Variants in PCDH11X observed in about 807,000 individuals in gnomAD.
PCDH11X encodes the protein protocadherin-11 X-linked.
A neutral mutation model predicts 53.3 loss-of-function variants in PCDH11X; 18 were observed. The observed-to-expected ratio is 0.34, with a 90% confidence interval of 0.23 to 0.50. PCDH11X has a LOEUF of 0.50. PCDH11X is among the 20% of genes least tolerant of loss of function. The pLI is 0.98. For missense variants in PCDH11X, 570 were observed against 1,032.4 expected (o/e 0.55, Z 6.14); for synonymous variants, 279 against 393.3 (o/e 0.71, Z 3.44).
intron 8 of PCDH11X, among the ~76,000 whole-genome samples, chrX:92,267,375 G>A (rs773380389): frequency 9.8e-5 from 11 of 111,830 alleles, no homozygotes; most frequent in Non-Finnish European, 1.9e-4. Flanking sequence ...ATCTGCCTGA[G>A]GTAAATTAAA....
At chrX:92,412,548 T>TAG (rs1297323903) in intron 9 of PCDH11X, among the ~76,000 whole-genome samples, 30 of 89,365 alleles carry the variant, frequency 3.4e-4, no homozygotes, top group Non-Finnish European at 5.0e-4. Context: ...TATATATATA[T>TAG]ATATATAGAT....
intron 6 of PCDH11X, among the ~76,000 whole-genome samples, chrX:92,033,821 T>C (rs1415825261): frequency 9.0e-6 from 1 of 110,728 alleles, no homozygotes; most frequent in Admixed American, 9.7e-5. Context: ...TCCAGTTTTT[T>C]AAGATGCATA....
intron 6 of PCDH11X, among the ~76,000 whole-genome samples, chrX:91,886,746 A>G (rs1454671098): frequency 9.1e-6 from 1 of 109,338 alleles, no homozygotes; most frequent in Non-Finnish European, 1.9e-5. Flanking sequence ...CCAAGGCGGG[A>G]GGATCACAAG....
chrX:91,787,281 G>A (rs1359061474), intron 1 of PCDH11X, among the ~76,000 whole-genome samples: 1 of 110,134 alleles, frequency 9.1e-6, no homozygotes, highest in Non-Finnish European at 1.9e-5. Context: ...TTTTTAGGTA[G>A]TGTTTTTTTT....
intron 10 of PCDH11X, among the ~76,000 whole-genome samples, chrX:92,601,866 G>A (rs1284194211): frequency 9.0e-6 from 1 of 111,017 alleles, no homozygotes; most frequent in Non-Finnish European, 1.9e-5. Flanking sequence ...CTAGGGTTAA[G>A]GTATCTTCCA....
intron 5 of PCDH11X, among the ~76,000 whole-genome samples, chrX:91,847,393 T>A (rs1238021965): frequency 1.8e-5 from 2 of 111,523 alleles, no homozygotes; most frequent in South Asian, 3.8e-4. Flanking sequence ...CTATTTGCCC[T>A]GTATAATATT....
intron 10 of PCDH11X, among the ~76,000 whole-genome samples, chrX:92,498,274 G>T (rs2148692102): frequency 9.1e-6 from 1 of 110,223 alleles, no homozygotes; most frequent in Non-Finnish European, 1.9e-5. Flanking sequence ...AGTAACATTA[G>T]TCCAGCAACA....
At chrX:92,481,315 C>A (rs775109773) in intron 10 of PCDH11X, among the ~76,000 whole-genome samples, 1 of 105,505 alleles carries the variant, frequency 9.5e-6, no homozygotes, top group African/African-American at 3.5e-5. Context: ...ACACACACAC[C>A]CCACACACAC....
chrX:92,150,828 C>T (rs1055354090), intron 6 of PCDH11X, among the ~76,000 whole-genome samples: 13 of 109,686 alleles, frequency 1.2e-4, no homozygotes, highest in Admixed American at 9.6e-4. Flanking sequence ...TTAAATTTCA[C>T]GTTCCAATTA....
chrX:91,924,521 A>G (rs1354770127), intron 6 of PCDH11X, among the ~76,000 whole-genome samples: 3 of 112,081 alleles, frequency 2.7e-5, no homozygotes, highest in Non-Finnish European at 5.6e-5. Context: ...CAACGGTGAT[A>G]GGAAAGTAAT....
At chrX:92,590,213 G>A (rs1442611446) in intron 10 of PCDH11X, among the ~76,000 whole-genome samples, 1 of 109,923 alleles carries the variant, frequency 9.1e-6, no homozygotes, top group Non-Finnish European at 1.9e-5. Context: ...CCTAACTGAC[G>A]AGCTTTGGAT....
intron 9 of PCDH11X, among the ~76,000 whole-genome samples, chrX:92,450,039 G>A (rs1198956486): frequency 8.1e-5 from 9 of 110,830 alleles, no homozygotes; most frequent in Non-Finnish European, 1.5e-4. Flanking sequence ...TTCATGAAAT[G>A]GTAAAGATAA....
chrX:92,493,987 T>G (rs1297432233), intron 10 of PCDH11X, among the ~76,000 whole-genome samples: 2 of 109,600 alleles, frequency 1.8e-5, no homozygotes, highest in Non-Finnish European at 3.8e-5. Flanking sequence ...CAACAGGTTT[T>G]TTTTTTTTTA....
intron 6 of PCDH11X, among the ~76,000 whole-genome samples, chrX:92,041,341 A>T: frequency 9.0e-6 from 1 of 110,831 alleles, no homozygotes; most frequent in Non-Finnish European, 1.9e-5. Context: ...CAATCACCAA[A>T]TCTATACTGT....
At chrX:92,345,110 G>A (rs993317518) in intron 8 of PCDH11X, among the ~76,000 whole-genome samples, 4 of 110,692 alleles carry the variant, frequency 3.6e-5, no homozygotes, top group African/African-American at 1.3e-4. Flanking sequence ...TGATTTTTGA[G>A]CTCTTTGAAG....
intron 9 of PCDH11X, among the ~76,000 whole-genome samples, chrX:92,420,088 G>A (rs1036497038): frequency 9.0e-6 from 1 of 110,748 alleles, no homozygotes. Context: ...TAGTGCTTGC[G>A]CTAGGCCTGA....
At chrX:92,297,973 A>G (rs756609658) in intron 8 of PCDH11X, among the ~76,000 whole-genome samples, 3 of 109,428 alleles carry the variant, frequency 2.7e-5, no homozygotes, top group South Asian at 8.0e-4. Context: ...TAGGAATGCT[A>G]CCAATTTTTG....
At chrX:92,545,205 A>C (rs1395578450) in intron 10 of PCDH11X, among the ~76,000 whole-genome samples, 2 of 110,237 alleles carry the variant, frequency 1.8e-5, no homozygotes, top group African/African-American at 6.6e-5. Flanking sequence ...AAAACTAGAG[A>C]GGCATAAAAG....
chrX:91,932,383 G>A (rs1208294311), intron 6 of PCDH11X, among the ~76,000 whole-genome samples: 1 of 104,144 alleles, frequency 9.6e-6, no homozygotes, highest in Non-Finnish European at 2.0e-5. Flanking sequence ...AGAGGTAGGA[G>A]GTGAGACAGG....
Sources: allele counts gnomAD v4.1 joint callset (sites outside exome capture counted in the v4.1 genomes callset), GRCh38; gene constraint gnomAD v4.1.1; transcripts MANE v1.5; gene names NCBI Gene and HGNC (gene_info 2026-07-23, HGNC 2026-07-21).